The following SPATA9 variants were observed in gnomAD, a reference collection of about 807,000 sequenced individuals.
The protein encoded by SPATA9 is spermatogenesis associated 9, also known as spermatogenesis-associated protein 9.
A neutral mutation model predicts 25.5 loss-of-function variants in SPATA9; 27 were observed. The ratio of observed to expected loss-of-function variants is 1.06; its 90% CI spans 0.78 to 1.46. SPATA9 has a LOEUF of 1.46. Ranked by LOEUF, SPATA9 falls within the 40% of genes most tolerant of loss-of-function variation. The pLI is 0.00. For missense variants in SPATA9, 282 were observed against 297.5 expected (o/e 0.95, Z 0.38); for synonymous variants, 102 against 105.7 (o/e 0.97, Z 0.21).
At chr5:95,678,363 C>T (rs565923513) in intron 2 of SPATA9, among the ~76,000 whole-genome samples, 6 of 152,136 alleles carry the variant, frequency 3.9e-5, no homozygotes, top group Admixed American at 6.5e-5. Context: ...GGCGACAGAG[C>T]GAGACTCCAT....
the SPATA9 span, among the ~76,000 whole-genome samples, chr5:95,728,372 C>T: frequency 6.6e-6 from 1 of 152,172 alleles, no homozygotes; most frequent in Non-Finnish European, 1.5e-5. Flanking sequence ...TGATGTCTGT[C>T]CAGTTCTTTG....
chr5:95,725,809 T>C, the SPATA9 span, among the ~76,000 whole-genome samples: 1 of 124,710 alleles, frequency 8.0e-6, no homozygotes, highest in African/African-American at 3.0e-5. Context: ...GGAATTCTTC[T>C]TTTTTTTTTT....
chr5:95,681,138 T>C lies in SPATA9; in HGVS notation c.150+1390A>G, dbSNP rs527673606. Among the ~76,000 whole-genome samples the C allele has an allele frequency of 9.7e-4, 148 of 152,344 alleles. 1 individual carries two copies. Among genetic ancestry groups the C allele is most frequent in the Middle Eastern group, 3.4e-3 (1 of 294 alleles). On this transcript the variant is annotated intron_variant, in intron 2 of 4. Coordinates refer to ENST00000274432, the MANE Select transcript of SPATA9 (RefSeq NM_031952.4). Reference sequence around the variant, plus strand: ...AAGTATTTTTGTTGTGCAAACTGAATGTCATTTCCAAGCCCAAAACCTTTC... The same window carrying C: ...AAGTATTTTTGTTGTGCAAACTGAACGTCATTTCCAAGCCCAAAACCTTTC...
At chr5:95,711,120 G>A in the SPATA9 span, among the ~76,000 whole-genome samples, 1 of 152,116 alleles carries the variant, frequency 6.6e-6, no homozygotes, top group African/African-American at 2.4e-5. Flanking sequence ...TTTCCGAGCG[G>A]CTCCCTTAAT....
the SPATA9 span, among the ~76,000 whole-genome samples, chr5:95,721,174 T>G: frequency 6.6e-6 from 1 of 152,212 alleles, no homozygotes; most frequent in Non-Finnish European, 1.5e-5. Context: ...GCAGCCTGAA[T>G]GAGATTTTAG....
At chr5:95,731,029 C>T in the SPATA9 span, 1 of 932,494 alleles carries the variant, frequency 1.1e-6, no homozygotes, top group South Asian at 1.6e-5. Flanking sequence ...GCCCCACCCC[C>T]CTTTCCTGGC....
At chr5:95,713,895 T>C in the SPATA9 span, among the ~76,000 whole-genome samples, 1 of 152,070 alleles carries the variant, frequency 6.6e-6, no homozygotes, top group African/African-American at 2.4e-5. Context: ...TTGTTTTATA[T>C]GCACACAAAT....
upstream of SPATA9, among the ~76,000 whole-genome samples, chr5:95,687,960 G>T (rs1753790912): frequency 6.6e-6 from 1 of 152,272 alleles, no homozygotes; most frequent in South Asian, 2.1e-4. Flanking sequence ...ATTTATATAT[G>T]GTTGGTGGTA....
At chr5:95,696,605 G>A (rs1236115443) in intron 1 of SPATA9, among the ~76,000 whole-genome samples, 3 of 152,192 alleles carry the variant, frequency 2.0e-5, no homozygotes, top group Admixed American at 6.5e-5. Context: ...GCCTTGGCAC[G>A]GTGGCTCATG....
chr5:95,701,758 C>T (rs1347003677), upstream of SPATA9, among the ~76,000 whole-genome samples: 2 of 152,024 alleles, frequency 1.3e-5, no homozygotes, highest in East Asian at 3.8e-4. Context: ...CAAATATTTG[C>T]ATGCTGAGAA....
At chr5:95,722,303 T>A in the SPATA9 span, among the ~76,000 whole-genome samples, 1 of 151,892 alleles carries the variant, frequency 6.6e-6, no homozygotes, top group African/African-American at 2.4e-5. Context: ...TATATTAGAG[T>A]TTGTTGGAAA....
At chr5:95,711,328 T>C in the SPATA9 span, among the ~76,000 whole-genome samples, 1 of 151,772 alleles carries the variant, frequency 6.6e-6, no homozygotes, top group Non-Finnish European at 1.5e-5. Context: ...GTAAAGAGAG[T>C]TAAAAGGAGC....
chr5:95,717,102 T>A, the SPATA9 span: 6 of 152,372 alleles, frequency 3.9e-5, no homozygotes, highest in African/African-American at 1.2e-4. Context: ...ATTTTTTGAA[T>A]GAGATTAACA....
upstream of SPATA9, among the ~76,000 whole-genome samples, chr5:95,699,498 A>T (rs1468485869): frequency 6.6e-6 from 1 of 152,208 alleles, no homozygotes; most frequent in Non-Finnish European, 1.5e-5. Context: ...CAAGACTAAG[A>T]ACAGGGAGAA....
the SPATA9 span, among the ~76,000 whole-genome samples, chr5:95,709,737 G>T: frequency 1.3e-5 from 2 of 152,170 alleles, no homozygotes. Flanking sequence ...GAAGGTATTT[G>T]TACCCAGCCC....
At chr5:95,721,056 T>A in the SPATA9 span, among the ~76,000 whole-genome samples, 6 of 152,238 alleles carry the variant, frequency 3.9e-5, no homozygotes, top group African/African-American at 1.2e-4. Flanking sequence ...CCGGTGGTAA[T>A]TAATCCTTAT....
the SPATA9 span, chr5:95,731,333 G>C: frequency 9.1e-7 from 1 of 1,097,088 alleles, no homozygotes; most frequent in Non-Finnish European, 1.1e-6. Context: ...CAGCGGCAGC[G>C]GCAGCAGGAG....
chr5:95,689,317 A>G (rs1753826304), intron 1 of SPATA9, among the ~76,000 whole-genome samples: 1 of 152,236 alleles, frequency 6.6e-6, no homozygotes, highest in Non-Finnish European at 1.5e-5. Context: ...TAGAAAATAA[A>G]TGTGTAGCAG....
At chr5:95,731,809 C>G in the SPATA9 span, 1 of 1,599,846 alleles carries the variant, frequency 6.3e-7, no homozygotes, top group Non-Finnish European at 8.5e-7. Flanking sequence ...AGGAGAGACC[C>G]GCGCGCTGAC....
Sources: gnomAD v4.1 joint callset for allele counts (sites outside exome capture counted in the v4.1 genomes callset) on GRCh38, gnomAD v4.1.1 for gene constraint, MANE v1.5 for transcripts, NCBI Gene and HGNC (gene_info 2026-07-23, HGNC 2026-07-21) for gene names.